SNX24: variants seen among roughly 807,000 people sequenced by gnomAD.
The protein encoded by SNX24 is sorting nexin-24.
Under a neutral mutation model 28.7 loss-of-function variants are expected in SNX24, and 22 were observed. The observed-to-expected ratio is 0.77, with a 90% CI of 0.55 to 1.10. The LOEUF (loss-of-function observed/expected upper bound fraction) is 1.10. Ranked by LOEUF, SNX24 falls within the 50% of genes least tolerant of loss-of-function variation. SNX24 has a pLI of 0.00. For synonymous variants in SNX24, 69 were observed against 71.5 expected, an observed-to-expected ratio of 0.96 and a Z score of 0.18; for missense variants, 221 against 201.1, an observed-to-expected ratio of 1.10 and a Z score of -0.60.
chr5:122,856,500 G>T (rs1755200218), intron 1 of SNX24, among the ~76,000 whole-genome samples: 1 of 151,086 alleles, frequency 6.6e-6, no homozygotes, highest in South Asian at 2.1e-4. Flanking sequence ...TAATTGGAAT[G>T]CTGGGTCAAA....
chr5:122,848,469 C>T lies in SNX24; in HGVS notation c.60+2776C>T, dbSNP rs547900896. On this transcript the variant is annotated intron_variant, in intron 1 of 6. Transcript: ENST00000261369. ...CTGTAATCCCAGCACTTTGGGAGGCCGAGGTGGGCGGATCACTTGAGGTCA... is the reference window on the plus strand; with the variant it reads ...CTGTAATCCCAGCACTTTGGGAGGCTGAGGTGGGCGGATCACTTGAGGTCA... Among the ~76,000 whole-genome samples, 6 of 151,030 alleles carry T rather than the reference C, an allele frequency of 4.0e-5. No individual in the cohort carries two copies. The East Asian group carries it at 1.2e-3, about 30-fold the overall frequency.
chr5:122,854,179 A>C (rs530207905), intron 1 of SNX24, among the ~76,000 whole-genome samples: 5 of 152,230 alleles, frequency 3.3e-5, no homozygotes, highest in African/African-American at 4.8e-5. Flanking sequence ...CCTTACTGCT[A>C]GCAGATTTAT....
rs186370013 is a variant in SNX24 at position 122,989,416 on chromosome 5, A to C, written c.250-10496A>C. Among the ~76,000 whole-genome samples, 361 of 151,282 alleles carry C rather than the reference A, an allele frequency of 2.4e-3. 4 individuals are homozygous for C. The highest frequency in any genetic ancestry group is 8.2e-3 in the African/African-American group (337 of 41,200). ...AGAAATGAGCAAAAAGATGGGGGCC[A>C]CTGCAGCCTGACCAGTCACTTTAAG... On this transcript the variant is annotated intron_variant, in intron 3 of 6. Transcript: ENST00000261369.
chr5:122,915,617 C>A (rs1043064345), intron 1 of SNX24, among the ~76,000 whole-genome samples: 3 of 152,134 alleles, frequency 2.0e-5, no homozygotes, highest in African/African-American at 7.2e-5. Flanking sequence ...CAAAGCAAGA[C>A]CCTGTCTGTT....
chr5:123,013,582 G>A (rs995873357), downstream of SNX24, among the ~76,000 whole-genome samples: 1 of 152,144 alleles, frequency 6.6e-6, no homozygotes. Flanking sequence ...TTTGTGTGAC[G>A]GGAAGGAGGG....
intron 1 of SNX24, among the ~76,000 whole-genome samples, chr5:122,921,930 CTT>C (rs1174088902): frequency 2.0e-5 from 3 of 152,180 alleles, no homozygotes; most frequent in Non-Finnish European, 4.4e-5. Context: ...AGCAGAATCT[CTT>C]TGTTTGGGGT....
At chr5:122,860,160 T>G (rs942514134) in intron 1 of SNX24, among the ~76,000 whole-genome samples, 1 of 152,200 alleles carries the variant, frequency 6.6e-6, no homozygotes, top group Non-Finnish European at 1.5e-5. Context: ...CGTCAAAACA[T>G]GGCAAAGAAA....
intron 5 of SNX24, 100 bp from the exon 6 acceptor site, chr5:123,001,840 C>T (rs1487426697): frequency 1.2e-5 from 11 of 946,714 alleles, no homozygotes; most frequent in Non-Finnish European, 1.7e-5. Context: ...AACCTTGAGA[C>T]GTCCCCGCAC....
intron 1 of SNX24, among the ~76,000 whole-genome samples, chr5:122,906,626 A>G (rs1427753680): frequency 1.3e-5 from 2 of 152,168 alleles, no homozygotes; most frequent in African/African-American, 4.8e-5. Flanking sequence ...CTCCTGCCTC[A>G]GCCTCCTGAG....
intron 1 of SNX24, 73 bp downstream of exon 1, chr5:122,845,766 GGCC>G: frequency 9.8e-6 from 9 of 918,840 alleles, no homozygotes; most frequent in South Asian, 4.2e-5. Flanking sequence ...AAACACCCTT[GGCC>G]GCCGCCGCCT....
At chr5:123,016,358 G>A (rs1762679144) in intron 5 of SNX24, among the ~76,000 whole-genome samples, 1 of 152,070 alleles carries the variant, frequency 6.6e-6, no homozygotes, top group African/African-American at 2.4e-5. Context: ...GGTGTTGCAG[G>A]GACATCAGCA....
At chr5:122,992,918 T>G (rs1302102116) in intron 3 of SNX24, among the ~76,000 whole-genome samples, 1 of 152,072 alleles carries the variant, frequency 6.6e-6, no homozygotes, top group Admixed American at 6.6e-5. Context: ...TTTCTTTTGT[T>G]CCCTGGTTAG....
At chr5:122,952,918 T>G (rs30076) in intron 3 of SNX24, among the ~76,000 whole-genome samples, 108,798 of 151,954 alleles carry the variant, frequency 0.72, 39,662 homozygotes, top group East Asian at 0.99. Context: ...AGAGGACCAA[T>G]CCAGGTCTAA....
At chr5:122,914,687 G>T (rs1326193944) in intron 1 of SNX24, among the ~76,000 whole-genome samples, 1 of 151,130 alleles carries the variant, frequency 6.6e-6, no homozygotes, top group African/African-American at 2.4e-5. Flanking sequence ...TTTGCGTAGA[G>T]GTGTTTGTAG....
intron 1 of SNX24, among the ~76,000 whole-genome samples, chr5:122,935,591 T>A (rs1759146536): frequency 6.6e-6 from 1 of 152,196 alleles, no homozygotes; most frequent in African/African-American, 2.4e-5. Context: ...TGTTTCTGAT[T>A]CAAAGAAGCA....
intron 1 of SNX24, among the ~76,000 whole-genome samples, chr5:122,867,618 T>C (rs1755779102): frequency 6.6e-6 from 1 of 152,196 alleles, no homozygotes; most frequent in Non-Finnish European, 1.5e-5. Flanking sequence ...CCACCATGGC[T>C]ACTTTATGAG....
intron 1 of SNX24, among the ~76,000 whole-genome samples, chr5:122,929,760 C>T (rs1243439797): frequency 7.3e-5 from 11 of 151,502 alleles, no homozygotes; most frequent in Non-Finnish European, 1.6e-4. Flanking sequence ...TCTTGGAGCT[C>T]TCTGGCTTTT....
At chr5:122,952,474 C>T (rs1050080136) in intron 3 of SNX24, among the ~76,000 whole-genome samples, 6 of 152,168 alleles carry the variant, frequency 3.9e-5, no homozygotes, top group African/African-American at 1.2e-4. Flanking sequence ...CCTGACTGCG[C>T]GCTCCACTCA....
intron 2 of SNX24, among the ~76,000 whole-genome samples, chr5:122,944,796 T>C (rs1330089982): frequency 1.3e-5 from 2 of 152,192 alleles, no homozygotes; most frequent in Non-Finnish European, 2.9e-5. Context: ...ATGGAAAGAA[T>C]TTTTTACTAT....
Sources: allele counts gnomAD v4.1 joint callset (sites outside exome capture counted in the v4.1 genomes callset), GRCh38; gene constraint gnomAD v4.1.1; transcripts MANE v1.5; gene names NCBI Gene and HGNC (gene_info 2026-07-23, HGNC 2026-07-21).